DLGAP5: variants seen among roughly 807,000 people sequenced by gnomAD.
DLGAP5 encodes disks large-associated protein 5.
DLGAP5 carries 90 observed loss-of-function variants against 99.6 expected under a neutral mutation model. The observed-to-expected ratio is 0.90, with a 90% CI of 0.76 to 1.08. DLGAP5 has a LOEUF of 1.08. Among genes scored for constraint, DLGAP5 ranks in the 50% least tolerant of loss-of-function variants. The probability of loss-of-function intolerance (pLI) is 0.00; values close to 1 mark genes in which losing one functional copy is unlikely to be tolerated. For missense variants in DLGAP5, 1,036 were observed against 983.5 expected (o/e 1.05, Z -0.71); for synonymous variants, 311 against 321.3 (o/e 0.97, Z 0.34).
At chr14:55,155,682 C>G (rs1183546356) in intron 14 of DLGAP5, among the ~76,000 whole-genome samples, 1 of 151,826 alleles carries the variant, frequency 6.6e-6, no homozygotes, top group African/African-American at 2.4e-5. Flanking sequence ...TCTACAAGGA[C>G]AAAGGAAACT....
In DLGAP5 at chr14:55,180,746, T is replaced by G. The variant is rs754962532; in HGVS notation, c.613A>C (p.Met205Leu). ...GCTGCTTGAGTAGCTGATCGAGTCA[T>G]TCTCAACGACGTGGGCATTACAGGC... ...VQPVMPTSLR[M>L]TRSATQAAKQ... is the part of the protein sequence containing the mutation. The change falls in exon 6 of 19, where the codon ATG becomes CTG. Residue 205 changes from methionine to leucine, a missense_variant. Transcript: ENST00000247191. 1.2e-5 allele frequency: 20 copies of G among 1,614,010 alleles called. No homozygotes were observed. In the East Asian group the frequency reaches 4.5e-4, roughly 36 times the overall value.
chr14:55,169,482 C>T lies in DLGAP5; in HGVS notation c.1465G>A (p.Val489Ile), dbSNP rs970999708. 2 of 1,613,164 alleles carry T rather than the reference C, an allele frequency of 1.2e-6. No individual in the cohort carries two copies. The highest frequency in any genetic ancestry group is 1.7e-6 in the Non-Finnish European group (2 of 1,179,690). The part of the protein sequence containing the change: ...KERFKQFEGL[V>I]DDCEYKRGIK... ...CCTCGTTTATATTCACAATCATCAACCAGTCCTTCAAACTGTTTAAACCTT... is the reference window on the plus strand; with the variant it reads ...CCTCGTTTATATTCACAATCATCAATCAGTCCTTCAAACTGTTTAAACCTT... Residue 489 changes from valine (V) to isoleucine (I), a missense_variant, in exon 12 of 19, where the codon GTT becomes ATT. Transcript: ENST00000247191.
rs887870161 is a variant in DLGAP5, at chr14:55,160,255, C to T, written c.1654-1514G>A. 4.0e-5 allele frequency among the ~76,000 whole-genome samples: 6 copies of T among 150,542 alleles called. No homozygotes were observed. The East Asian group carries it at 6.0e-4, about 15-fold the overall frequency. Reference sequence around the variant, plus strand: ...AATACAAGAAAAAAAGTTAGCTGGGCGTGGTGGCACACGCCTGTAATCCCA... The same window carrying T: ...AATACAAGAAAAAAAGTTAGCTGGGTGTGGTGGCACACGCCTGTAATCCCA... On this transcript the variant is annotated intron_variant, in intron 13 of 18. Coordinates refer to ENST00000247191, the MANE Select transcript of DLGAP5 (RefSeq NM_014750.5).
intron 12 of DLGAP5, 118 bp downstream of exon 12, chr14:55,169,281 A>T: frequency 1.7e-6 from 1 of 584,796 alleles, no homozygotes; most frequent in Middle Eastern, 5.1e-4. Flanking sequence ...GCTTTATAAC[A>T]TCTTATTTAA....
intron 15 of DLGAP5, among the ~76,000 whole-genome samples, chr14:55,153,548 A>G (rs1013111189): frequency 1.3e-5 from 2 of 151,724 alleles, no homozygotes; most frequent in Non-Finnish European, 2.9e-5. Context: ...CTCAAAAAAA[A>G]AAAAAAAATT....
Position 55,170,725 on chromosome 14 carries a change from A to C in DLGAP5, c.1364T>G (p.Leu455Arg). 2 of 1,613,674 alleles carry C rather than the reference A, an allele frequency of 1.2e-6. No homozygotes were observed. The highest frequency in any genetic ancestry group is 8.5e-7 in the Non-Finnish European group (1 of 1,179,724). ...TSHCFEWDRKLELDIPDDAKD... is the reference protein window; with the variant it reads ...TSHCFEWDRKRELDIPDDAKD... Reference sequence around the variant, plus strand: ...ACCATCATCTGGAATGTCCAATTCAAGTTTCCTGTCCCACTCGAAGCAATG... The same window carrying C: ...ACCATCATCTGGAATGTCCAATTCACGTTTCCTGTCCCACTCGAAGCAATG... Residue 455 changes from leucine (L) to arginine (R), a missense_variant, in exon 11 of 19, where the codon CTT becomes CGT. Leu to Arg is a moderately radical substitution (Grantham distance 102). Coordinates refer to ENST00000247191, the MANE Select transcript of DLGAP5 (RefSeq NM_014750.5).
chr14:55,155,297 T>A (rs1354397198), intron 14 of DLGAP5, among the ~76,000 whole-genome samples: 2 of 150,712 alleles, frequency 1.3e-5, no homozygotes, highest in Non-Finnish European at 3.0e-5. Context: ...AGTGCTGGGA[T>A]TAGAGGTGTG....
intron 6 of DLGAP5, 21 bp downstream of exon 6, chr14:55,180,635 T>C (rs1224672322): frequency 1.2e-6 from 2 of 1,613,766 alleles, no homozygotes; most frequent in Non-Finnish European, 1.7e-6. Flanking sequence ...GTTCAGTCAC[T>C]GATCAAGGAA....
At position 55,154,585 on chromosome 14, in the gene DLGAP5, G is replaced by A. The variant is rs376208826; in HGVS notation, c.2063+32C>T. 15 of 1,566,358 alleles carry A rather than the reference G, an allele frequency of 9.6e-6. No homozygotes were observed. The African/African-American group carries it at 2.0e-4, about 21-fold the overall frequency. On this transcript the variant is annotated intron_variant, in intron 15 of 18. Coordinates refer to ENST00000247191, the MANE Select transcript of DLGAP5 (RefSeq NM_014750.5). ...GAAATGGTATTTAGTATCAGCAACT[G>A]TTAAACTCTTATTAACATGTTAAAG...
intron 15 of DLGAP5, among the ~76,000 whole-genome samples, 174 bp from the exon 16 acceptor site, chr14:55,152,821 G>A (rs1428944148): frequency 6.6e-6 from 1 of 152,240 alleles, no homozygotes; most frequent in Non-Finnish European, 1.5e-5. Flanking sequence ...AGCTACTGCA[G>A]GATGGCCTTA....
At chr14:55,187,966 A>G (rs1341142069) in intron 2 of DLGAP5, among the ~76,000 whole-genome samples, 3 of 151,918 alleles carry the variant, frequency 2.0e-5, no homozygotes, top group Non-Finnish European at 4.4e-5. Flanking sequence ...TATCAGGCAC[A>G]CTCCTACCTC....
chr14:55,170,110 G>A (rs1053067914), intron 11 of DLGAP5, among the ~76,000 whole-genome samples: 2 of 151,610 alleles, frequency 1.3e-5, no homozygotes, highest in Admixed American at 1.3e-4. Context: ...ACTCCAGCCT[G>A]GGCAACAAGA....
chr14:55,148,571 A>C, intron 18 of DLGAP5, 98 bp from the exon 19 acceptor site: 1 of 1,586,784 alleles, frequency 6.3e-7, no homozygotes, highest in Non-Finnish European at 8.6e-7. Context: ...TAACAAAAAT[A>C]AACCGGGTGC....
In DLGAP5 at chr14:55,180,838, G is replaced by A. The variant is rs1217051687; in HGVS notation, c.581-60C>T. 20 of 1,570,438 alleles carry A rather than the reference G, an allele frequency of 1.3e-5. No homozygotes were observed. In the South Asian group the frequency reaches 2.0e-4, roughly 16 times the overall value. On this transcript the variant is annotated intron_variant, in intron 5 of 18. Transcript: ENST00000247191. ...CTTGTAGTTATGAAATTATTGCTGTGAAGCCAGGCATGGTAGTGCAATGCC... is the reference window on the plus strand; with the variant it reads ...CTTGTAGTTATGAAATTATTGCTGTAAAGCCAGGCATGGTAGTGCAATGCC...
intron 10 of DLGAP5, 72 bp downstream of exon 10, chr14:55,175,274 A>C: frequency 6.9e-7 from 1 of 1,459,226 alleles, no homozygotes; most frequent in Non-Finnish European, 9.3e-7. Flanking sequence ...TTAAGGTTAA[A>C]AATTTTTAGT....
In DLGAP5 at chr14:55,180,592, G is replaced by A. The variant is rs1280191637; in HGVS notation, c.703+64C>T. On this transcript the variant is annotated intron_variant, in intron 6 of 18. Transcript: ENST00000247191. ...AGAAGTACTTGTTGATTTTTGAAAC[G>A]GAACACAAAAACCTCAAGGACCAAA... 2.3e-5 allele frequency: 37 copies of A among 1,588,194 alleles called. 1 individual carries two copies. Among genetic ancestry groups the A allele is most frequent in the Non-Finnish European group, 2.7e-5 (32 of 1,164,606 alleles).
At chr14:55,176,100 G>C in intron 8 of DLGAP5, 82 bp from the exon 9 acceptor site, 1 of 1,225,520 alleles carries the variant, frequency 8.2e-7, no homozygotes, top group Non-Finnish European at 1.1e-6. Context: ...TGTGTCACTT[G>C]TAGATCTGGG....
In DLGAP5 at chr14:55,175,999, T is replaced by C; in HGVS notation, c.1069A>G (p.Lys357Glu). ...KTEVDESQAT[K>E]EILAQKCKTY... ...TTACATTTTTGTGCCAAAATTTCTT[T>C]TGTTGCTTGAGACTCATCACTAAAA... Residue 357 changes from lysine to glutamate, a missense_variant, in exon 9 of 19, where the codon AAA becomes GAA. Transcript: ENST00000247191. 6.2e-7 allele frequency: 1 copy of C among 1,608,050 alleles called. No individual in the cohort carries two copies. Among genetic ancestry groups the C allele is most frequent in the Non-Finnish European group, 8.5e-7 (1 of 1,176,458 alleles).
At chr14:55,149,624 A>G (rs1309347630) in intron 18 of DLGAP5, among the ~76,000 whole-genome samples, 1 of 152,214 alleles carries the variant, frequency 6.6e-6, no homozygotes, top group Non-Finnish European at 1.5e-5. Flanking sequence ...TAAAACCAAG[A>G]CCGTTTTCTG....
Sources: allele counts gnomAD v4.1 joint callset (sites outside exome capture counted in the v4.1 genomes callset), GRCh38; gene constraint gnomAD v4.1.1; transcripts MANE v1.5; gene names NCBI Gene and HGNC (gene_info 2026-07-23, HGNC 2026-07-21).